Variants in CSMD3 observed in about 807,000 individuals in gnomAD.
CSMD3 encodes CUB and Sushi multiple domains 3, also known as CUB and sushi domain-containing protein 3.
CSMD3 carries 177 observed loss-of-function variants against 435.2 expected under a neutral mutation model. The observed-to-expected ratio is 0.41, with a 90% CI of 0.36 to 0.46. CSMD3 has a LOEUF of 0.46. CSMD3 is among the 20% of genes least tolerant of loss of function. CSMD3 has a pLI of 0.34. For missense variants in CSMD3, 4,265 were observed against 4,504.6 expected (o/e 0.95, Z 1.52); for synonymous variants, 1,656 against 1,520.5 (o/e 1.09, Z -2.07).
intron 4 of CSMD3, among the ~76,000 whole-genome samples, chr8:113,149,249 C>T (rs981094574): frequency 1.3e-4 from 20 of 151,752 alleles, no homozygotes; most frequent in African/African-American, 4.1e-4. Flanking sequence ...ACTTTGTAGC[C>T]TCTGACTGTA....
At chr8:113,126,902 T>C (rs535053353) in intron 4 of CSMD3, among the ~76,000 whole-genome samples, 2 of 151,878 alleles carry the variant, frequency 1.3e-5, no homozygotes, top group South Asian at 4.2e-4. Flanking sequence ...TTTTCCCCTC[T>C]CCTCCTAGAT....
intron 12 of CSMD3, among the ~76,000 whole-genome samples, chr8:112,806,870 T>A (rs907017707): frequency 3.3e-5 from 5 of 152,220 alleles, no homozygotes; most frequent in African/African-American, 1.2e-4. Context: ...TCTCATAATG[T>A]GTAACCATGC....
Position 112,406,740 on chromosome 8 carries a change from A to G in CSMD3, c.5606-13T>C. The stretch of plus-strand genomic sequence containing the variant: ...GTTCTAGGAACAGCTGTGTAGAAAT[A>G]TTATATTTATTTTAATTTTATATGG... On this transcript the variant is annotated splice_polypyrimidine_tract_variant and intron_variant, in intron 34 of 70. Coordinates refer to ENST00000297405, the MANE Select transcript of CSMD3 (RefSeq NM_198123.2). 4 of 1,501,142 alleles carry G rather than the reference A, an allele frequency of 2.7e-6. No homozygotes were observed. The highest frequency in any genetic ancestry group is 3.7e-6 in the Non-Finnish European group (4 of 1,094,642). The allele number at this position is 1,501,142 out of a possible 1,614,324, so 93.0% of individuals were successfully genotyped here. A position where few individuals can be genotyped will look rare whatever the true frequency, so the allele number is the denominator to read the frequency against.
chr8:113,210,385 T>C (rs1349463610), intron 3 of CSMD3, among the ~76,000 whole-genome samples: 1 of 152,106 alleles, frequency 6.6e-6, no homozygotes, highest in East Asian at 1.9e-4. Flanking sequence ...ATAATAATTC[T>C]CTTCACAAAC....
chr8:112,864,550 T>C (rs1209651136), intron 10 of CSMD3, among the ~76,000 whole-genome samples: 1 of 152,084 alleles, frequency 6.6e-6, no homozygotes, highest in African/African-American at 2.4e-5. Context: ...CGTGCCCGGC[T>C]GTATAGGTTT....
At position 112,987,800 on chromosome 8, in the gene CSMD3, G is replaced by A. The variant is rs117711429; in HGVS notation, c.1031-11652C>T. 9.2e-5 allele frequency among the ~76,000 whole-genome samples: 14 copies of A among 152,092 alleles called. No individual in the cohort carries two copies. In the East Asian group the frequency reaches 2.5e-3, roughly 27 times the overall value. ...GGCCTGATTGCCTCCAGGTCCTCCT[G>A]TAATTCCCTCGGCAGGATTTTCATG... On this transcript the variant is annotated intron_variant, in intron 6 of 70. Coordinates refer to ENST00000297405, the MANE Select transcript of CSMD3 (RefSeq NM_198123.2).
chr8:112,365,468 CTTTTTTTTTT>C (rs546920182), intron 38 of CSMD3, among the ~76,000 whole-genome samples: 1 of 112,650 alleles, frequency 8.9e-6, no homozygotes, highest in Non-Finnish European at 1.7e-5. Flanking sequence ...CATAGATTTC[CTTTTTTTTTT>C]TTTTTTTTTT....
At chr8:112,881,393 A>C (rs2081444202) in intron 10 of CSMD3, among the ~76,000 whole-genome samples, 1 of 152,078 alleles carries the variant, frequency 6.6e-6, no homozygotes, top group African/African-American at 2.4e-5. Flanking sequence ...TGGACTAAAC[A>C]GCATTTTTTA....
chr8:113,214,526 T>G (rs2092878491), intron 3 of CSMD3, among the ~76,000 whole-genome samples: 1 of 152,078 alleles, frequency 6.6e-6, no homozygotes, highest in East Asian at 1.9e-4. Flanking sequence ...TCTGGTCTTT[T>G]GAGTTATCTG....
At chr8:113,101,283 T>C (rs2090322847) in intron 4 of CSMD3, among the ~76,000 whole-genome samples, 1 of 152,076 alleles carries the variant, frequency 6.6e-6, no homozygotes, top group Non-Finnish European at 1.5e-5. Flanking sequence ...CCTCACCTTT[T>C]GAGATTGGCC....
At chr8:112,404,320 G>T (rs1293553119) in intron 35 of CSMD3, among the ~76,000 whole-genome samples, 4 of 152,006 alleles carry the variant, frequency 2.6e-5, no homozygotes, top group Non-Finnish European at 5.9e-5. Flanking sequence ...ACGATGTCAG[G>T]AGTTCAAGAC....
intron 10 of CSMD3, among the ~76,000 whole-genome samples, chr8:112,865,119 G>A (rs1280626276): frequency 1.3e-5 from 2 of 152,198 alleles, no homozygotes; most frequent in East Asian, 3.9e-4. Flanking sequence ...TTTTCCTCAG[G>A]TAAAACACAT....
Position 112,507,133 on chromosome 8 carries a change from T to TA in CSMD3, c.4757-305dup, listed in dbSNP as rs1224881785. Among the ~76,000 whole-genome samples the TA allele has an allele frequency of 5.3e-5, 8 of 152,032 alleles. No homozygotes were observed. The South Asian group carries it at 8.3e-4, about 16-fold the overall frequency. On this transcript the variant is annotated intron_variant, in intron 28 of 70. Coordinates refer to ENST00000297405, the MANE Select transcript of CSMD3 (RefSeq NM_198123.2). Reference sequence around the variant, plus strand: ...TTGTTTCATGTCAAAAGAAAAGCATTAAAAAAGTGATAAAGATGATTTTCC... The same window carrying TA: ...TTGTTTCATGTCAAAAGAAAAGCATTAAAAAAAGTGATAAAGATGATTTTCC...
At chr8:112,691,575 A>C (rs1253896468) in intron 13 of CSMD3, among the ~76,000 whole-genome samples, 1 of 151,892 alleles carries the variant, frequency 6.6e-6, no homozygotes, top group Non-Finnish European at 1.5e-5. Context: ...AACATTAGAG[A>C]AGTGACATTT....
intron 5 of CSMD3, among the ~76,000 whole-genome samples, chr8:113,090,635 T>C (rs887786835): frequency 1.3e-5 from 2 of 152,154 alleles, no homozygotes; most frequent in African/African-American, 4.8e-5. Context: ...ACACTGTGCT[T>C]TGCCAACATC....
chr8:113,165,011 A>G (rs2092122803), intron 4 of CSMD3, among the ~76,000 whole-genome samples: 1 of 152,162 alleles, frequency 6.6e-6, no homozygotes. Context: ...GCAAAGAGCA[A>G]AAGAATACCA....
chr8:112,747,975 A>T (rs2077477768), intron 13 of CSMD3, among the ~76,000 whole-genome samples: 1 of 151,806 alleles, frequency 6.6e-6, no homozygotes, highest in African/African-American at 2.4e-5. Context: ...AAAAAAAAAA[A>T]AAAAAAAAAA....
At chr8:112,605,558 C>A (rs1832723276) in intron 22 of CSMD3, among the ~76,000 whole-genome samples, 1 of 148,956 alleles carries the variant, frequency 6.7e-6, no homozygotes, top group South Asian at 2.2e-4. Context: ...TTCTCACTTA[C>A]AAGTGGGAGC....
chr8:113,100,613 C>T (rs1310098966), intron 4 of CSMD3, among the ~76,000 whole-genome samples: 2 of 152,000 alleles, frequency 1.3e-5, no homozygotes, highest in African/African-American at 4.8e-5. Flanking sequence ...AGAAAAAAAT[C>T]CCACAGTTTA....
Sources: allele counts gnomAD v4.1 joint callset (sites outside exome capture counted in the v4.1 genomes callset), GRCh38; gene constraint gnomAD v4.1.1; transcripts MANE v1.5; gene names NCBI Gene and HGNC (gene_info 2026-07-23, HGNC 2026-07-21).